Variants in ZNF330 observed in about 807,000 individuals in gnomAD.
ZNF330 encodes the protein zinc finger protein 330.
ZNF330 carries 31 observed loss-of-function variants against 45.5 expected under a neutral mutation model. The observed-to-expected ratio is 0.68, with a 90% CI of 0.51 to 0.92. The LOEUF is 0.92. Among genes scored for constraint, ZNF330 ranks in the 40% least tolerant of loss-of-function variants. The pLI is 0.00. For synonymous variants in ZNF330, 138 were observed against 123.2 expected, an observed-to-expected ratio of 1.12 and a Z score of -0.79; for missense variants, 356 against 387.4, an observed-to-expected ratio of 0.92 and a Z score of 0.68.
intron 5 of ZNF330, among the ~76,000 whole-genome samples, chr4:141,228,904 C>T (rs1040958433): frequency 1.3e-5 from 2 of 151,926 alleles, no homozygotes; most frequent in Non-Finnish European, 2.9e-5. Context: ...TTCTTTCTAG[C>T]TTTTAATATT....
At chr4:141,227,770 G>C (rs770816521) in intron 5 of ZNF330, among the ~76,000 whole-genome samples, 3 of 152,006 alleles carry the variant, frequency 2.0e-5, no homozygotes, top group Non-Finnish European at 2.9e-5. Flanking sequence ...AGTTCCAAAC[G>C]AACCTAGGAT....
Position 141,222,381 on chromosome 4 carries a change from A to G in ZNF330, c.10A>G (p.Lys4Glu). The G allele has an allele frequency of 1.9e-6, 3 of 1,613,078 alleles. No individual in the cohort carries two copies. Among genetic ancestry groups the G allele is most frequent in the East Asian group, 2.2e-5 (1 of 44,864 alleles). ...GTCAAAATAGGGGAAAATGCCTAAA[A>G]AAAAGACTGGTGCGAGGAAGAAGGC... MPKKKTGARKKAEN... is the reference protein window; with the variant it reads MPKEKTGARKKAEN... Residue 4 changes from lysine to glutamate, a missense_variant, in exon 2 of 10, where the codon AAA becomes GAA. Coordinates refer to ENST00000262990, the MANE Select transcript of ZNF330 (RefSeq NM_014487.6).
In ZNF330 at chr4:141,231,439, G is replaced by T; in HGVS notation, c.524G>T (p.Cys175Phe). The change falls in exon 8 of 10, where the codon TGT becomes TTT. Residue 175 changes from cysteine (C) to phenylalanine (F), a missense_variant and splice_region_variant. Coordinates refer to ENST00000262990, the MANE Select transcript of ZNF330 (RefSeq NM_014487.6). ...CQVLEAETFK[C>F]VSCNRLGQHS... ...TTTAAAATTAATCTATTTCCCACAG[G>T]TGTTTCATGCAATCGGCTTGGTCAG... 1 of 1,595,336 alleles carries T rather than the reference G, an allele frequency of 6.3e-7. No individual in the cohort carries two copies. The highest frequency in any genetic ancestry group is 8.5e-7 in the Non-Finnish European group (1 of 1,173,254).
intron 9 of ZNF330, 48 bp downstream of exon 9, chr4:141,232,690 G>T: frequency 1.9e-6 from 2 of 1,034,960 alleles, no homozygotes; most frequent in South Asian, 2.4e-5. Context: ...TTCATACTTA[G>T]ACAAAGTTTA....
chr4:141,224,993 C>G (rs1165227077), intron 4 of ZNF330, among the ~76,000 whole-genome samples: 1 of 152,006 alleles, frequency 6.6e-6, no homozygotes, highest in South Asian at 2.1e-4. Context: ...GTTATACTAC[C>G]TTAGTCTTGT....
rs3822128 is a variant in ZNF330, at chr4:141,234,060, T to C, written c.*71T>C. On this transcript the variant is annotated 3_prime_UTR_variant, in exon 10 of 10. Transcript: ENST00000262990. ...TGTGTGCTTGATGAATTGTGTGTGG[T>C]TGTTCAAAAGTACCTTAGCCACTTA... The C allele has an allele frequency of 0.19, 289,384 of 1,530,344 alleles. 28,502 individuals carry two copies. Among genetic ancestry groups the C allele is most frequent in the Middle Eastern group, 0.23 (1,194 of 5,204 alleles). The allele number at this position is 1,530,344 out of a possible 1,614,324, so 94.8% of individuals were successfully genotyped here.
chr4:141,224,446 A>G (rs2111247943), intron 2 of ZNF330, 41 bp from the exon 3 acceptor site: 1 of 1,587,192 alleles, frequency 6.3e-7, no homozygotes, highest in Non-Finnish European at 8.6e-7. Context: ...TGCAGTTTTC[A>G]GTCAGCAGAA....
rs543437411 is a variant in ZNF330, at chr4:141,231,728, G to A, written c.570+243G>A. Among the ~76,000 whole-genome samples, 41 of 152,170 alleles carry A rather than the reference G, an allele frequency of 2.7e-4. No homozygotes were observed. In the South Asian group the frequency reaches 8.3e-3, roughly 31 times the overall value. ...CACATTTCTCTGGAATCCTGGCTCT[G>A]TGTTTTTAGTGGAGAACATTCTGAC... On this transcript the variant is annotated intron_variant, in intron 8 of 9. Coordinates refer to ENST00000262990, the MANE Select transcript of ZNF330 (RefSeq NM_014487.6).
At chr4:141,229,767 G>A (rs1728905471) in intron 6 of ZNF330, 70 bp downstream of exon 6, 1 of 1,596,994 alleles carries the variant, frequency 6.3e-7, no homozygotes, top group Non-Finnish European at 8.6e-7. Context: ...TTTGAATGCT[G>A]TTTTTGAGAT....
At chr4:141,233,153 A>G (rs906222727) in intron 9 of ZNF330, among the ~76,000 whole-genome samples, 2 of 152,118 alleles carry the variant, frequency 1.3e-5, no homozygotes, top group African/African-American at 4.8e-5. Flanking sequence ...GCAGCTCGCA[A>G]TTTTGTTAAA....
Position 141,222,431 on chromosome 4 carries a change from A to G in ZNF330, c.60A>G (p.Lys20=). ...CTGAGAACCGCCGAGAACGTGAAAAACAACTAAGAGCATCAAGAAGCACTA... is the reference window on the plus strand; with the variant it reads ...CTGAGAACCGCCGAGAACGTGAAAAGCAACTAAGAGCATCAAGAAGCACTA... ...KKAENRRERE[K]QLRASRSTID... is the part of the protein sequence containing the mutation. Residue 20 remains lysine (K), a synonymous_variant, in exon 2 of 10, where the codon AAA becomes AAG. Transcript: ENST00000262990. 1.2e-6 allele frequency: 2 copies of G among 1,613,930 alleles called. No individual in the cohort carries two copies. Among genetic ancestry groups the G allele is most frequent in the Non-Finnish European group, 1.7e-6 (2 of 1,179,872 alleles).
In ZNF330 at chr4:141,233,699, T is replaced by G. The variant is rs758272040; in HGVS notation, c.689-16T>G. 1 of 1,607,146 alleles carries G rather than the reference T, an allele frequency of 6.2e-7. No homozygotes were observed. Among genetic ancestry groups the G allele is most frequent in the Non-Finnish European group, 8.5e-7 (1 of 1,175,760 alleles). ...TGGAACTAACAAAATGCCTTGTACTTGTCTGTCTTCTATAGCACGCTCCCT... is the reference window on the plus strand; with the variant it reads ...TGGAACTAACAAAATGCCTTGTACTGGTCTGTCTTCTATAGCACGCTCCCT... On this transcript the variant is annotated splice_polypyrimidine_tract_variant and intron_variant, in intron 9 of 9. Coordinates refer to ENST00000262990, the MANE Select transcript of ZNF330 (RefSeq NM_014487.6).
At chr4:141,224,399 C>T in intron 2 of ZNF330, 88 bp from the exon 3 acceptor site, 1 of 1,289,794 alleles carries the variant, frequency 7.8e-7, no homozygotes. Flanking sequence ...AAATTTTAAC[C>T]TGAAAAGCAG....
intron 1 of ZNF330, among the ~76,000 whole-genome samples, chr4:141,221,707 T>G (rs757052266): frequency 2.6e-5 from 4 of 152,204 alleles, no homozygotes; most frequent in Admixed American, 6.5e-5. Context: ...AACTAAATGA[T>G]GAAAATTAAA....
At chr4:141,222,184 G>A (rs1460892068) in intron 1 of ZNF330, among the ~76,000 whole-genome samples, 182 bp from the exon 2 acceptor site, 3 of 151,992 alleles carry the variant, frequency 2.0e-5, no homozygotes, top group Non-Finnish European at 1.5e-5. Flanking sequence ...AGGATCACCC[G>A]CTTCATTTGG....
In ZNF330 at chr4:141,222,498, G is replaced by A. The variant is rs1294906829; in HGVS notation, c.120+7G>A. The stretch of plus-strand genomic sequence containing the variant: ...TCCATGTAATGCCTCAATGGTATCA[G>A]CTTTTTTTGATATCAGTTGGTAGTT... On this transcript the variant is annotated splice_region_variant and intron_variant, in intron 2 of 9. Coordinates refer to ENST00000262990, the MANE Select transcript of ZNF330 (RefSeq NM_014487.6). 3 of 1,605,346 alleles carry A rather than the reference G, an allele frequency of 1.9e-6. No individual in the cohort carries two copies. Among genetic ancestry groups the A allele is most frequent in the Admixed American group, 3.4e-5 (2 of 58,098 alleles).
chr4:141,228,549 G>C (rs938254021), intron 5 of ZNF330, among the ~76,000 whole-genome samples: 6 of 151,970 alleles, frequency 3.9e-5, no homozygotes, highest in African/African-American at 1.4e-4. Context: ...TTTGTCCTAA[G>C]AACTTCCCTG....
rs765014107 is a variant in ZNF330 at position 141,233,808 on chromosome 4, A to C, written c.782A>C (p.Lys261Thr). 1 of 1,613,774 alleles carries C rather than the reference A, an allele frequency of 6.2e-7. No homozygotes were observed. The highest frequency in any genetic ancestry group is 1.1e-5 in the South Asian group (1 of 91,078). ...DAYWKNLSSD[K>T]YGDTSYHDEE... The stretch of plus-strand genomic sequence containing the variant: ...TATTGGAAGAACCTTTCATCTGATA[A>C]GTATGGTGATACCAGCTACCACGAT... The change falls in exon 10 of 10, where the codon AAG becomes ACG. Residue 261 changes from lysine (K) to threonine (T), a missense_variant. By Grantham distance (78) the Lys-to-Thr change is moderately conservative. Coordinates refer to ENST00000262990, the MANE Select transcript of ZNF330 (RefSeq NM_014487.6).
intron 5 of ZNF330, among the ~76,000 whole-genome samples, chr4:141,229,035 A>G (rs1179161063): frequency 2.0e-5 from 3 of 152,134 alleles, no homozygotes; most frequent in Non-Finnish European, 4.4e-5. Context: ...CCACAAAGAA[A>G]TGTAATTATT....
Sources: allele counts gnomAD v4.1 joint callset (sites outside exome capture counted in the v4.1 genomes callset), GRCh38; gene constraint gnomAD v4.1.1; transcripts MANE v1.5; gene names NCBI Gene and HGNC (gene_info 2026-07-23, HGNC 2026-07-21).